Variants in CCDC3 observed in about 807,000 individuals in gnomAD.
CCDC3 encodes the protein coiled-coil domain-containing protein 3.
Under a neutral mutation model 21.4 loss-of-function variants are expected in CCDC3, and 24 were observed. That is an observed-to-expected ratio of 1.12 (90% CI 0.81 to 1.58). CCDC3 has a LOEUF of 1.58. Among genes scored for constraint, CCDC3 ranks in the 40% most tolerant of loss-of-function variants. The pLI is 0.00. For synonymous variants in CCDC3, 186 were observed against 166.0 expected, an observed-to-expected ratio of 1.12 and a Z score of -0.93; for missense variants, 425 against 360.9, an observed-to-expected ratio of 1.18 and a Z score of -1.44.
At chr10:12,989,295 G>A (rs1835644923) in intron 2 of CCDC3, among the ~76,000 whole-genome samples, 2 of 152,204 alleles carry the variant, frequency 1.3e-5, no homozygotes, top group African/African-American at 2.4e-5. Context: ...TTAAGCCCTC[G>A]GCTCAGTCAA....
At position 13,032,080 on chromosome 10, in the gene CCDC3, C is replaced by T. The variant is rs111708265; in HGVS notation, c.-2+17594G>A. Among the ~76,000 whole-genome samples, 649 of 152,182 alleles carry T rather than the reference C, an allele frequency of 4.3e-3. 5 individuals are homozygous for T. Among genetic ancestry groups the T allele is most frequent in the African/African-American group, 0.015 (630 of 41,500 alleles). On this transcript the variant is annotated intron_variant, in intron 5 of 6. Transcript: ENST00000378839. ...CCAATACCCCTGATGAACATTGACG[C>T]GAAAATCCTCAATAAAATACTGGCA...
rs766554560 is a variant in CCDC3, at chr10:13,001,501, G to A, written c.70C>T (p.Leu24=). The change falls in exon 1 of 3, where the codon CTG becomes TTG. Residue 24 remains leucine (L), a synonymous_variant. Transcript: ENST00000378825. The part of the protein sequence containing the change: ...GPPAPARACQ[L]PSEWRPLSEG... ...CTCAGGGGCCTCCACTCGGAGGGCA[G>A]CTGGCAGGCGCGCGCGGGCGCTGGG... The A allele has an allele frequency of 1.5e-6, 2 of 1,333,776 alleles. No homozygotes were observed. Among genetic ancestry groups the A allele is most frequent in the Non-Finnish European group, 1.9e-6 (2 of 1,044,486 alleles). The allele number at this position is 1,333,776 out of a possible 1,614,324, so 82.6% of individuals were successfully genotyped here. A position where few individuals can be genotyped will look rare whatever the true frequency, so the allele number is the denominator to read the frequency against.
intron 5 of CCDC3, among the ~76,000 whole-genome samples, chr10:13,020,221 G>A (rs1836127104): frequency 6.6e-6 from 1 of 152,178 alleles, no homozygotes; most frequent in African/African-American, 2.4e-5. Flanking sequence ...AGGCATGAGT[G>A]GCGATGGTTT....
intron 2 of CCDC3, among the ~76,000 whole-genome samples, chr10:12,996,394 G>A (rs748023891): frequency 6.6e-6 from 1 of 152,130 alleles, no homozygotes; most frequent in Non-Finnish European, 1.5e-5. Context: ...GGAGTGCAAT[G>A]GTGTGATCTC....
chr10:12,899,282 CAAATG>C (rs751322211), intron 2 of CCDC3, among the ~76,000 whole-genome samples: 6 of 151,922 alleles, frequency 3.9e-5, no homozygotes, highest in Non-Finnish European at 5.9e-5. Flanking sequence ...ATAAAAAAAA[CAAATG>C]AAAGCCATGG....
chr10:13,062,796 A>G (rs1047536582), intron 4 of CCDC3, among the ~76,000 whole-genome samples: 7 of 152,198 alleles, frequency 4.6e-5, no homozygotes, highest in African/African-American at 1.7e-4. Flanking sequence ...GCTGGAGGCT[A>G]CAAGATTCTG....
chr10:12,995,859 C>T (rs1402964204), intron 2 of CCDC3, among the ~76,000 whole-genome samples: 9 of 152,202 alleles, frequency 5.9e-5, no homozygotes, highest in African/African-American at 9.7e-5. Context: ...CAATTCTCCA[C>T]GGTCCCATTG....
rs995981687 is a variant in CCDC3, at chr10:12,973,246, C to T, written c.549+25092G>A. ...ACAATGAGACCTTCTCTAAAGGATGCAAGAACACAATATCACAGCATGGTG... is the reference window on the plus strand; with the variant it reads ...ACAATGAGACCTTCTCTAAAGGATGTAAGAACACAATATCACAGCATGGTG... On this transcript the variant is annotated intron_variant, in intron 2 of 2. Coordinates refer to ENST00000378825, the MANE Select transcript of CCDC3 (RefSeq NM_031455.4). 2.0e-5 allele frequency among the ~76,000 whole-genome samples: 3 copies of T among 152,030 alleles called. No individual in the cohort carries two copies. In the East Asian group the frequency reaches 5.8e-4, roughly 30 times the overall value.
chr10:12,935,621 T>G (rs888062510), intron 2 of CCDC3, among the ~76,000 whole-genome samples: 2 of 152,204 alleles, frequency 1.3e-5, no homozygotes, highest in African/African-American at 4.8e-5. Context: ...TCTTTTTTAT[T>G]GGTTGTCCTA....
At chr10:12,923,870 G>T (rs1225509894) in intron 2 of CCDC3, among the ~76,000 whole-genome samples, 1 of 152,158 alleles carries the variant, frequency 6.6e-6, no homozygotes, top group Non-Finnish European at 1.5e-5. Context: ...GTGTATCTTT[G>T]CAAATATCGA....
At chr10:12,944,718 CTT>C (rs1310105367) in intron 2 of CCDC3, among the ~76,000 whole-genome samples, 2 of 152,160 alleles carry the variant, frequency 1.3e-5, no homozygotes, top group African/African-American at 4.8e-5. Context: ...AGACTCATAA[CTT>C]TTCCTACCTA....
intron 5 of CCDC3, among the ~76,000 whole-genome samples, chr10:13,036,447 A>C (rs1836378221): frequency 6.6e-6 from 1 of 152,152 alleles, no homozygotes; most frequent in Non-Finnish European, 1.5e-5. Context: ...TCTCTAAGCT[A>C]GACAGAAAAG....
Position 13,001,177 on chromosome 10 carries a change from G to T in CCDC3, c.374+20C>A. Reference sequence around the variant, plus strand: ...TGGCGCAGAGAGAGAGAGAGGTGGCGGCGGCGCCGCCGGGCTCACCTGAGG... The same window carrying T: ...TGGCGCAGAGAGAGAGAGAGGTGGCTGCGGCGCCGCCGGGCTCACCTGAGG... On this transcript the variant is annotated intron_variant, in intron 1 of 2. Coordinates refer to ENST00000378825, the MANE Select transcript of CCDC3 (RefSeq NM_031455.4). 6.5e-7 allele frequency: 1 copy of T among 1,543,402 alleles called. No individual in the cohort carries two copies. Among genetic ancestry groups the T allele is most frequent in the Admixed American group, 2.0e-5 (1 of 50,360 alleles).
At position 12,898,571 on chromosome 10, in the gene CCDC3, G is replaced by A. The variant is rs778117350; in HGVS notation, c.658C>T (p.Arg220Ter). The change falls in exon 3 of 3, where the codon CGA (arginine) becomes TGA (stop). Residue 220 changes from arginine (R) to a stop codon, truncating the protein, a stop_gained. Coordinates refer to ENST00000378825, the MANE Select transcript of CCDC3 (RefSeq NM_031455.4). LOFTEE classifies it high-confidence loss of function. The part of the protein sequence containing the change: ...LEKRNRQLRE[R>*]VKKVKRSLRQ... ...AAGGACCTCTTGACCTTCTTCACTCGCTCCCGGAGCTGCCGGTTGCGCTTC... is the reference window on the plus strand; with the variant it reads ...AAGGACCTCTTGACCTTCTTCACTCACTCCCGGAGCTGCCGGTTGCGCTTC... 1.2e-6 allele frequency: 2 copies of A among 1,614,178 alleles called. No homozygotes were observed.
intron 4 of CCDC3, among the ~76,000 whole-genome samples, chr10:13,072,229 A>G (rs536890555): frequency 1.8e-4 from 27 of 152,264 alleles, no homozygotes; most frequent in South Asian, 1.7e-3. Flanking sequence ...TCATGCAACC[A>G]GAGCCTCGGA....
At chr10:12,994,491 A>C (rs997460936) in intron 2 of CCDC3, among the ~76,000 whole-genome samples, 1 of 152,086 alleles carries the variant, frequency 6.6e-6, no homozygotes, top group African/African-American at 2.4e-5. Context: ...CAGGGTCTGT[A>C]ATTGAAGATC....
At chr10:13,070,078 G>T (rs913892773) in intron 4 of CCDC3, among the ~76,000 whole-genome samples, 1 of 148,460 alleles carries the variant, frequency 6.7e-6, no homozygotes, top group African/African-American at 2.5e-5. Context: ...TTAACTGAAC[G>T]GTCTAAACTA....
intron 4 of CCDC3, among the ~76,000 whole-genome samples, chr10:13,054,154 C>CAAAA (rs71386143): frequency 2.0e-5 from 2 of 99,910 alleles, no homozygotes; most frequent in Non-Finnish European, 4.2e-5. Flanking sequence ...GACTCTGTAT[C>CAAAA]AAAAAAAAAA....
At chr10:13,097,382 C>A (rs1460336361) in intron 3 of CCDC3, among the ~76,000 whole-genome samples, 2 of 152,144 alleles carry the variant, frequency 1.3e-5, no homozygotes, top group Admixed American at 1.3e-4. Flanking sequence ...CCTCTTTAAT[C>A]TTCTCAGCAT....
Sources: gnomAD v4.1 joint callset for allele counts (sites outside exome capture counted in the v4.1 genomes callset) on GRCh38, gnomAD v4.1.1 for gene constraint, MANE v1.5 for transcripts, NCBI Gene and HGNC (gene_info 2026-07-23, HGNC 2026-07-21) for gene names.